The following STXBP3 variants were observed in gnomAD, a reference collection of about 807,000 sequenced individuals.
STXBP3 encodes syntaxin binding protein 3.
A neutral mutation model predicts 85.7 loss-of-function variants in STXBP3; 41 were observed. The observed-to-expected ratio is 0.48, with a 90% CI of 0.37 to 0.62. The LOEUF is 0.62. Ranked by LOEUF, STXBP3 falls within the 20% of genes least tolerant of loss-of-function variation. The probability of loss-of-function intolerance (pLI) is 0.00; values close to 1 mark genes in which losing one functional copy is unlikely to be tolerated. For synonymous variants in STXBP3, 229 were observed against 231.7 expected, an observed-to-expected ratio of 0.99 and a Z score of 0.10; for missense variants, 563 against 703.1, an observed-to-expected ratio of 0.80 and a Z score of 2.25.
At chr1:108,766,059 G>A (rs192701785) in intron 6 of STXBP3, among the ~76,000 whole-genome samples, 59 of 151,776 alleles carry the variant, frequency 3.9e-4, no homozygotes, top group Non-Finnish European at 6.3e-4. Context: ...TCACTATGTT[G>A]GCCAGGTTAG....
chr1:108,792,630 C>A (rs868207555), intron 11 of STXBP3, among the ~76,000 whole-genome samples: 4 of 152,042 alleles, frequency 2.6e-5, no homozygotes, highest in African/African-American at 4.8e-5. Context: ...CTTTTATTGA[C>A]TGTTTTGTCA....
At chr1:108,800,343 C>A in intron 17 of STXBP3, 38 bp downstream of exon 17, 1 of 1,447,620 alleles carries the variant, frequency 6.9e-7, no homozygotes, top group Non-Finnish European at 9.7e-7. Flanking sequence ...AATTTTCATT[C>A]TACGGACTAA....
Position 108,796,383 on chromosome 1 carries a change from TA to T in STXBP3, c.1249+13del, listed in dbSNP as rs1663100427. 1 of 1,453,418 alleles carries T rather than the reference TA, an allele frequency of 6.9e-7. No homozygotes were observed. Among genetic ancestry groups the T allele is most frequent in the Admixed American group, 1.9e-5 (1 of 53,016 alleles). 90.0% of individuals were successfully genotyped at this position (1,453,418 alleles called of 1,614,324 possible). On this transcript the variant is annotated intron_variant, in intron 14 of 18. Coordinates refer to ENST00000370008, the MANE Select transcript of STXBP3 (RefSeq NM_007269.4). ...TCTTCAGTATTAATGGTAATGGAGA[TA>T]ATCACTTTTTAATAAGTATTTTACT...
intron 17 of STXBP3, 109 bp from the exon 18 acceptor site, chr1:108,807,292 T>G: frequency 9.0e-7 from 1 of 1,116,034 alleles, no homozygotes; most frequent in Non-Finnish European, 1.2e-6. Flanking sequence ...TCAATGTAAT[T>G]GGTAGCAAGT....
At chr1:108,766,663 T>C (rs1217593956) in intron 6 of STXBP3, among the ~76,000 whole-genome samples, 1 of 152,074 alleles carries the variant, frequency 6.6e-6, no homozygotes, top group Admixed American at 6.6e-5. Context: ...CAGTGAGAGG[T>C]TGGTTGTCAA....
At chr1:108,786,994 C>T (rs1470342680) in intron 11 of STXBP3, among the ~76,000 whole-genome samples, 1 of 151,866 alleles carries the variant, frequency 6.6e-6, no homozygotes, top group African/African-American at 2.4e-5. Context: ...TTCTTTATTT[C>T]TAGGTATTTG....
At chr1:108,750,391 A>G (rs1399110572) in intron 1 of STXBP3, among the ~76,000 whole-genome samples, 2 of 152,168 alleles carry the variant, frequency 1.3e-5, no homozygotes, top group South Asian at 2.1e-4. Context: ...TAATTCTCAT[A>G]TAACACTATA....
chr1:108,772,804 G>T lies in STXBP3; in HGVS notation c.578G>T (p.Gly193Val). The change falls in exon 7 of 19, where the codon GGA becomes GTA. Residue 193 changes from glycine to valine, a missense_variant. Physicochemically the swap from Gly to Val is moderately radical, Grantham distance 109. Coordinates refer to ENST00000370008, the MANE Select transcript of STXBP3 (RefSeq NM_007269.4). The part of the protein sequence containing the change: ...TVCATLDENP[G>V]VRYKSKPLDN... ...TGTGCCACCTTGGATGAAAATCCCG[G>T]AGTAAGATATAAAAGGTAAGACACT... 1 of 1,596,856 alleles carries T rather than the reference G, an allele frequency of 6.3e-7. No individual in the cohort carries two copies. Among genetic ancestry groups the T allele is most frequent in the South Asian group, 1.1e-5 (1 of 89,110 alleles).
At chr1:108,802,614 C>T (rs1216944889) in intron 17 of STXBP3, among the ~76,000 whole-genome samples, 3 of 152,162 alleles carry the variant, frequency 2.0e-5, no homozygotes, top group Non-Finnish European at 4.4e-5. Flanking sequence ...TACATATTCA[C>T]CACCACCGTT....
intron 8 of STXBP3, among the ~76,000 whole-genome samples, 183 bp from the exon 9 acceptor site, chr1:108,779,103 C>CT (rs1210404558): frequency 5.9e-5 from 9 of 151,994 alleles, no homozygotes; most frequent in Non-Finnish European, 1.3e-4. Context: ...TCAGATTTTT[C>CT]TTTGTTTTAT....
At chr1:108,765,090 T>C (rs1662230657) in intron 6 of STXBP3, among the ~76,000 whole-genome samples, 2 of 152,248 alleles carry the variant, frequency 1.3e-5, no homozygotes, top group African/African-American at 2.4e-5. Flanking sequence ...TTCAGTCTTC[T>C]GCATGTAGCT....
rs755335661 is a variant in STXBP3, at chr1:108,782,465, G to T, written c.853G>T (p.Glu285Ter). 1 of 1,613,836 alleles carries T rather than the reference G, an allele frequency of 6.2e-7. No individual in the cohort carries two copies. Among genetic ancestry groups the T allele is most frequent in the East Asian group, 2.2e-5 (1 of 44,820 alleles). ...AGAAAAGGAGGCCATCCTTGAAGAA[G>T]AAGATGACCTCTGGGTTAGAATTCG... ...GKEKEAILEEEDDLWVRIRHR... is the reference protein window; with the variant it reads ...GKEKEAILEE The change falls in exon 10 of 19, where the codon GAA becomes TAA. Residue 285 changes from glutamate (E) to a stop codon, truncating the protein, a stop_gained. Coordinates refer to ENST00000370008, the MANE Select transcript of STXBP3 (RefSeq NM_007269.4). LOFTEE classifies it high-confidence loss of function.
chr1:108,771,219 G>GTGAGAGAGGTAGA (rs1662390112), intron 6 of STXBP3, among the ~76,000 whole-genome samples: 2 of 150,210 alleles, frequency 1.3e-5, no homozygotes, highest in Non-Finnish European at 3.0e-5. Context: ...GGAGAGGAGA[G>GTGAGAGAGGTAGA]CGAGAAAAGA....
intron 17 of STXBP3, among the ~76,000 whole-genome samples, chr1:108,804,479 AT>A (rs1232585004): frequency 6.6e-6 from 1 of 152,184 alleles, no homozygotes; most frequent in African/African-American, 2.4e-5. Flanking sequence ...TATCTAATAA[AT>A]TCACTAATTT....
chr1:108,770,083 A>G (rs1467353647), intron 6 of STXBP3, among the ~76,000 whole-genome samples: 1 of 152,130 alleles, frequency 6.6e-6, no homozygotes, highest in African/African-American at 2.4e-5. Context: ...TGAGCCCAGG[A>G]GTACTAGACC....
At chr1:108,753,821 A>G (rs1209026905) in intron 3 of STXBP3, among the ~76,000 whole-genome samples, 1 of 152,088 alleles carries the variant, frequency 6.6e-6, no homozygotes, top group Non-Finnish European at 1.5e-5. Context: ...TTTGATCTTC[A>G]TAATAACCCT....
intron 3 of STXBP3, 183 bp downstream of exon 3, chr1:108,753,327 A>G (rs1007864070): frequency 4.6e-5 from 15 of 325,618 alleles, no homozygotes; most frequent in African/African-American, 4.1e-4. Context: ...CAGCCGAGAC[A>G]TATAATTAAG....
chr1:108,776,482 C>A, intron 8 of STXBP3, 59 bp downstream of exon 8: 2 of 1,288,286 alleles, frequency 1.6e-6, no homozygotes, highest in Non-Finnish European at 2.1e-6. Context: ...TCTTTATAAG[C>A]CAAAGAAACT....
intron 6 of STXBP3, among the ~76,000 whole-genome samples, chr1:108,772,279 A>G (rs1241266931): frequency 1.3e-5 from 1 of 77,746 alleles, no homozygotes. Flanking sequence ...TATCTGTATC[A>G]TATATAAATA....
Sources: allele counts gnomAD v4.1 joint callset (sites outside exome capture counted in the v4.1 genomes callset), GRCh38; gene constraint gnomAD v4.1.1; transcripts MANE v1.5; gene names NCBI Gene and HGNC (gene_info 2026-07-23, HGNC 2026-07-21).